HNF1A: variants seen among roughly 807,000 people sequenced by gnomAD.
HNF1A encodes hepatocyte nuclear factor 1-alpha.
Under a neutral mutation model 62.2 loss-of-function variants are expected in HNF1A, and 21 were observed. The ratio of observed to expected loss-of-function variants is 0.34; its 90% confidence interval spans 0.24 to 0.49. HNF1A has a LOEUF of 0.49. Among genes scored for constraint, HNF1A ranks in the 20% least tolerant of loss-of-function variants. The pLI, the probability that HNF1A is intolerant of heterozygous loss-of-function variation, is 0.99. For missense variants in HNF1A, 687 were observed against 832.3 expected (o/e 0.83, Z 2.15); for synonymous variants, 374 against 366.8 (o/e 1.02, Z -0.22).
Position 120,994,150 on chromosome 12 carries a change from G to T in HNF1A, c.714-14G>T, listed in dbSNP as rs775565186. On this transcript the variant is annotated splice_polypyrimidine_tract_variant and intron_variant, in intron 3 of 9. Transcript: ENST00000257555. ...GAGCCTGGCCTGGAGGCTCATGGGTGGCTATTTCTGCAGGGCGGAATGCAT... is the reference window on the plus strand; with the variant it reads ...GAGCCTGGCCTGGAGGCTCATGGGTTGCTATTTCTGCAGGGCGGAATGCAT... 1 of 1,611,724 alleles carries T rather than the reference G, an allele frequency of 6.2e-7. No individual in the cohort carries two copies. The highest frequency in any genetic ancestry group is 8.5e-7 in the Non-Finnish European group (1 of 1,179,172).
chr12:120,997,229 T>C, intron 6 of HNF1A: 1 of 1,425,748 alleles, frequency 7.0e-7, no homozygotes, highest in Non-Finnish European at 9.1e-7. Context: ...TGACAACTTT[T>C]GAACAAGTCA....
intron 1 of HNF1A, 47 bp downstream of exon 1, chr12:120,979,141 C>A: frequency 6.6e-7 from 1 of 1,519,196 alleles, no homozygotes; most frequent in Non-Finnish European, 9.0e-7. Context: ...CCTAGAGGGG[C>A]CCCCCTCAGC....
chr12:120,994,933 C>G (rs1312114063), intron 4 of HNF1A, among the ~76,000 whole-genome samples: 4 of 150,424 alleles, frequency 2.7e-5, no homozygotes, highest in Admixed American at 6.6e-5. Flanking sequence ...TCCACTCCAT[C>G]CACTCCACTC....
At chr12:120,986,956 G>C (rs901120015) in intron 1 of HNF1A, among the ~76,000 whole-genome samples, 1 of 152,152 alleles carries the variant, frequency 6.6e-6, no homozygotes, top group African/African-American at 2.4e-5. Context: ...TTGAGACAGA[G>C]CAGGAGAGGA....
chr12:120,978,797 C>T lies in HNF1A; in HGVS notation c.29C>T (p.Thr10Met), dbSNP rs774637975. Residue 10 changes from threonine (T) to methionine (M), a missense_variant, in exon 1 of 10, where the codon ACG becomes ATG. Thr to Met is a moderately conservative substitution (Grantham distance 81). Transcript: ENST00000257555. ...GTTTCTAAACTGAGCCAGCTGCAGA[C>T]GGAGCTCCTGGCGGCCCTGCTCGAG... MVSKLSQLQTELLAALLESG... is the reference protein window; with the variant it reads MVSKLSQLQMELLAALLESG... The T allele has an allele frequency of 1.6e-5, 26 of 1,612,976 alleles. No homozygotes were observed. The highest frequency in any genetic ancestry group is 8.0e-5 in the African/African-American group (6 of 74,908).
chr12:120,999,608 G>A lies in HNF1A; in HGVS notation c.1749G>A (p.Arg583=), dbSNP rs1458498668. The A allele has an allele frequency of 6.2e-7, 1 of 1,611,228 alleles. No homozygotes were observed. The highest frequency in any genetic ancestry group is 8.5e-7 in the Non-Finnish European group (1 of 1,179,486). ...TCCAGCACCTGCAGCCGGCCCACCG[G>A]CTCAGCGCCAGCCCCACAGGTGAGA... ...ASIQHLQPAH[R]LSASPTVSSS... is the part of the protein sequence containing the mutation. Residue 583 remains arginine (R), a synonymous_variant, in exon 9 of 10, where the codon CGG becomes CGA. Transcript: ENST00000257555.
At chr12:120,983,008 G>A (rs895688369) in intron 1 of HNF1A, among the ~76,000 whole-genome samples, 7 of 152,182 alleles carry the variant, frequency 4.6e-5, no homozygotes, top group Non-Finnish European at 1.0e-4. Context: ...GCACACGGAG[G>A]TTAAGCAAAG....
In HNF1A at chr12:121,001,222, T is replaced by A; in HGVS notation, c.*30T>A. On this transcript the variant is annotated 3_prime_UTR_variant, in exon 10 of 10. Coordinates refer to ENST00000257555, the MANE Select transcript of HNF1A (RefSeq NM_000545.8). ...GGCACCTGGGCCCTGGGGCCTGTAC[T>A]GCCTGCTTGGGGGGTGATGAGGGCA... The A allele has an allele frequency of 6.2e-7, 1 of 1,612,708 alleles. No homozygotes were observed. Among genetic ancestry groups the A allele is most frequent in the South Asian group, 1.1e-5 (1 of 90,948 alleles).
intron 1 of HNF1A, among the ~76,000 whole-genome samples, chr12:120,986,665 T>C (rs528384947): frequency 3.2e-4 from 48 of 152,342 alleles, no homozygotes; most frequent in African/African-American, 1.1e-3. Flanking sequence ...CTGCAACCTC[T>C]GCCTCCCGGG....
At chr12:120,997,370 C>G in intron 6 of HNF1A, 104 bp from the exon 7 acceptor site, 1 of 1,388,818 alleles carries the variant, frequency 7.2e-7, no homozygotes, top group Non-Finnish European at 9.5e-7. Context: ...CCCCCTCCTC[C>G]AAACCACGGG....
At chr12:120,982,009 G>A (rs1353998406) in intron 1 of HNF1A, among the ~76,000 whole-genome samples, 2 of 152,166 alleles carry the variant, frequency 1.3e-5, no homozygotes, top group East Asian at 3.8e-4. Flanking sequence ...TCCTTCCTGG[G>A]TGTCCTCCCG....
intron 1 of HNF1A, among the ~76,000 whole-genome samples, chr12:120,984,660 G>A (rs1010920725): frequency 7.6e-5 from 2 of 26,274 alleles, no homozygotes; most frequent in African/African-American, 2.7e-4. Context: ...CTGGCACTCA[G>A]CAAAGCAGGG....
chr12:120,979,184 C>T lies in HNF1A; in HGVS notation c.326+90C>T, dbSNP rs541301400. 3.9e-5 allele frequency: 46 copies of T among 1,193,228 alleles called. 1 individual carries two copies. The South Asian group carries it at 4.3e-4, about 11-fold the overall frequency. The allele number at this position is 1,193,228 out of a possible 1,614,324, so 73.9% of individuals were successfully genotyped here. A position where few individuals can be genotyped will look rare whatever the true frequency, so the allele number is the denominator to read the frequency against. ...GAGCCCCCCTTCTGAGTTGAGTCCC[C>T]ATGACCTTCAGCCTTTAGCCTAGTT... On this transcript the variant is annotated intron_variant, in intron 1 of 9. Coordinates refer to ENST00000257555, the MANE Select transcript of HNF1A (RefSeq NM_000545.8).
chr12:120,982,096 A>C (rs1185597327), intron 1 of HNF1A, among the ~76,000 whole-genome samples: 1 of 151,894 alleles, frequency 6.6e-6, no homozygotes, highest in Non-Finnish European at 1.5e-5. Flanking sequence ...TTTGAGACGG[A>C]GTCTCACTCT....
In HNF1A at chr12:120,996,162, G is replaced by A; in HGVS notation, c.956-100G>A. ...GCTGCATAAAGGCAGACAGGCAGCT[G>A]GCCTAAGCAAACCAATGGAGTTTGA... On this transcript the variant is annotated intron_variant, in intron 4 of 9. Transcript: ENST00000257555. This position sits in a 1 kb window ranked among gnomAD's most constrained non-coding sequence, Gnocchi z 4.5. The A allele has an allele frequency of 7.0e-7, 1 of 1,423,836 alleles. No homozygotes were observed. Among genetic ancestry groups the A allele is most frequent in the Non-Finnish European group, 9.8e-7 (1 of 1,020,150 alleles). 88.2% of individuals were successfully genotyped at this position (1,423,836 alleles called of 1,614,324 possible).
chr12:120,983,916 CTG>C lies in HNF1A; in HGVS notation c.326+4854_326+4855del, dbSNP rs61680384. On this transcript the variant is annotated intron_variant, in intron 1 of 9. Coordinates refer to ENST00000257555, the MANE Select transcript of HNF1A (RefSeq NM_000545.8). Reference sequence around the variant, plus strand: ...AAAAATAGTCAGGCCCTTGAAGACTCTGTGTGTGTGTGTGTGTGTGTGTGTGT... The same window carrying C: ...AAAAATAGTCAGGCCCTTGAAGACTCTGTGTGTGTGTGTGTGTGTGTGTGT... Among the ~76,000 whole-genome samples the C allele has an allele frequency of 2.3e-3, 319 of 137,344 alleles. 1 individual carries two copies. Among genetic ancestry groups the C allele is most frequent in the African/African-American group, 7.2e-3 (253 of 35,342 alleles). 90.1% of individuals were successfully genotyped at this position (137,344 alleles called of 152,430 possible). A position where few individuals can be genotyped will look rare whatever the true frequency, so the allele number is the denominator to read the frequency against.
chr12:120,998,573 A>G (rs1169303), intron 7 of HNF1A, among the ~76,000 whole-genome samples: 5 of 151,980 alleles, frequency 3.3e-5, no homozygotes, highest in Middle Eastern at 3.4e-3. Flanking sequence ...CTGTGTGTAC[A>G]TGGTTGAGAG....
In HNF1A at chr12:120,978,586, C is replaced by T; in HGVS notation, c.-183C>T. The T allele has an allele frequency of 1.5e-6, 1 of 654,894 alleles. No homozygotes were observed. The allele number at this position is 654,894 out of a possible 1,614,324, so 40.6% of individuals were successfully genotyped here. A position where few individuals can be genotyped will look rare whatever the true frequency, so the allele number is the denominator to read the frequency against. ...ACAGGCAGGGGCCCTGATTCACGGG[C>T]CGCTGGGGCCAGGGTTGGGGGTTGG... On this transcript the variant is annotated 5_prime_UTR_variant, in exon 1 of 10. Coordinates refer to ENST00000257555, the MANE Select transcript of HNF1A (RefSeq NM_000545.8).
intron 1 of HNF1A, 147 bp downstream of exon 1, chr12:120,979,241 C>G: frequency 1.3e-6 from 1 of 761,304 alleles, no homozygotes; most frequent in South Asian, 1.5e-5. Context: ...CATGAGAGCC[C>G]AGGGGTCCTT....
Sources: allele counts gnomAD v4.1 joint callset (sites outside exome capture counted in the v4.1 genomes callset), GRCh38; gene constraint gnomAD v4.1.1; non-coding constraint Gnocchi (gnomAD v3.1); transcripts MANE v1.5; gene names NCBI Gene and HGNC (gene_info 2026-07-23, HGNC 2026-07-21).